Variants in RBM33 observed in about 807,000 individuals in gnomAD.
RBM33 encodes RNA-binding protein 33.
Under a neutral mutation model 132.6 loss-of-function variants are expected in RBM33, and 28 were observed. The ratio of observed to expected loss-of-function variants is 0.21; its 90% CI spans 0.16 to 0.29. RBM33 has a LOEUF of 0.29. Among genes scored for constraint, RBM33 ranks in the 10% least tolerant of loss-of-function variants. The pLI is 1.00. For missense variants in RBM33, 1,291 were observed against 1,518.5 expected (o/e 0.85, Z 2.49); for synonymous variants, 634 against 593.0 (o/e 1.07, Z -1.01).
chr7:155,668,998 A>G (rs1798873327), intron 2 of RBM33, among the ~76,000 whole-genome samples: 1 of 151,904 alleles, frequency 6.6e-6, no homozygotes, highest in South Asian at 2.1e-4. Flanking sequence ...TTTATTGTTT[A>G]CCGTATTATG....
rs201127157 is a variant in RBM33 at position 155,773,568 on chromosome 7, C to CAAAA, written c.3376-967_3376-964dup. 4.8e-3 allele frequency among the ~76,000 whole-genome samples: 242 copies of CAAAA among 50,466 alleles called. 24 individuals are homozygous for CAAAA. The highest frequency in any genetic ancestry group is 0.018 in the African/African-American group (217 of 11,978). 33.1% of individuals were successfully genotyped at this position (50,466 alleles called of 152,430 possible). The stretch of plus-strand genomic sequence containing the variant: ...AGGCAACAGTGCGAGACTCCATCTC[C>CAAAA]AAAAAAAAAAAAAAAAAAAAAAAAA... On this transcript the variant is annotated intron_variant, in intron 16 of 17. Transcript: ENST00000401878.
intron 1 of RBM33, among the ~76,000 whole-genome samples, chr7:155,648,341 G>T (rs1168128042): frequency 6.6e-6 from 1 of 152,192 alleles, no homozygotes; most frequent in Non-Finnish European, 1.5e-5. Context: ...TAAACTAGCC[G>T]AGAAAAGTTC....
intron 12 of RBM33, among the ~76,000 whole-genome samples, chr7:155,740,624 T>C (rs1417681216): frequency 6.6e-6 from 1 of 152,174 alleles, no homozygotes; most frequent in Non-Finnish European, 1.5e-5. Flanking sequence ...TTGTCGTGCA[T>C]TAAAAGAAAC....
chr7:155,660,701 G>A (rs777727011), intron 1 of RBM33, among the ~76,000 whole-genome samples: 5 of 152,090 alleles, frequency 3.3e-5, no homozygotes, highest in African/African-American at 7.2e-5. Context: ...TTTTGACTAC[G>A]TTGTGTGTGT....
intron 8 of RBM33, among the ~76,000 whole-genome samples, chr7:155,716,409 A>G (rs1296313863): frequency 6.8e-6 from 1 of 147,720 alleles, no homozygotes; most frequent in African/African-American, 2.5e-5. Context: ...CATTTATTAT[A>G]ATCAGATTGC....
intron 1 of RBM33, among the ~76,000 whole-genome samples, chr7:155,662,446 C>T (rs1016662066): frequency 6.6e-6 from 1 of 152,096 alleles, no homozygotes; most frequent in Non-Finnish European, 1.5e-5. Context: ...TTTGGGAGCA[C>T]TCTTTGGCTT....
chr7:155,711,960 C>CT (rs1554477035), intron 8 of RBM33, among the ~76,000 whole-genome samples: 3 of 152,208 alleles, frequency 2.0e-5, no homozygotes, highest in Non-Finnish European at 4.4e-5. Flanking sequence ...TTGAGTTTTC[C>CT]TTGGCTCTTC....
intron 9 of RBM33, among the ~76,000 whole-genome samples, chr7:155,720,716 C>T (rs1241272504): frequency 1.3e-5 from 2 of 152,228 alleles, no homozygotes; most frequent in South Asian, 2.1e-4. Context: ...GTGAAGACAA[C>T]ATTGTTGTGG....
intron 7 of RBM33, 38 bp from the exon 8 acceptor site, chr7:155,711,160 TTGTGA>T: frequency 2.8e-6 from 4 of 1,451,010 alleles, no homozygotes; most frequent in South Asian, 2.9e-5. Context: ...GTTTTTTTTT[TTGTGA>T]TTTGTAGACT....
At chr7:155,696,077 T>C (rs1799786651) in intron 5 of RBM33, among the ~76,000 whole-genome samples, 1 of 152,236 alleles carries the variant, frequency 6.6e-6, no homozygotes, top group Non-Finnish European at 1.5e-5. Flanking sequence ...TTTAGTCTCT[T>C]TCTGGTTCTC....
intron 2 of RBM33, 63 bp from the exon 3 acceptor site, chr7:155,672,804 G>T: frequency 8.5e-6 from 9 of 1,061,674 alleles, no homozygotes; most frequent in South Asian, 4.3e-5. Context: ...ATTTCCAAGT[G>T]ATCTACAAAC....
intron 13 of RBM33, 29 bp from the exon 14 acceptor site, chr7:155,744,932 A>C: frequency 6.6e-7 from 1 of 1,524,534 alleles, no homozygotes; most frequent in Non-Finnish European, 8.8e-7. Flanking sequence ...CTGTATAGCA[A>C]AGTAAACCGT....
chr7:155,743,443 C>T (rs186855344), intron 13 of RBM33, among the ~76,000 whole-genome samples: 6 of 152,296 alleles, frequency 3.9e-5, no homozygotes, highest in African/African-American at 1.4e-4. Context: ...TTGATTTAGG[C>T]GAACTTCTAA....
chr7:155,685,712 A>C (rs953005159), intron 5 of RBM33, among the ~76,000 whole-genome samples: 2 of 152,240 alleles, frequency 1.3e-5, no homozygotes, highest in Non-Finnish European at 2.9e-5. Context: ...AGAGTTAAAT[A>C]GTTGCTGTTC....
chr7:155,664,427 ATT>A (rs113000614), intron 1 of RBM33, among the ~76,000 whole-genome samples: 2 of 142,034 alleles, frequency 1.4e-5, no homozygotes. Context: ...TGCCTGGCTG[ATT>A]TTTTTTTTTT....
chr7:155,775,398 T>A lies in RBM33; in HGVS notation c.*357T>A. On this transcript the variant is annotated 3_prime_UTR_variant, in exon 18 of 18. Coordinates refer to ENST00000401878, the MANE Select transcript of RBM33 (RefSeq NM_053043.3). ...TTAGATTCAGGAAAGAACATTAACG[T>A]CACAAGTTCTAAGTAGTTTTCACAG... 1 of 408,434 alleles carries A rather than the reference T, an allele frequency of 2.4e-6. No homozygotes were observed. Among genetic ancestry groups the A allele is most frequent in the Non-Finnish European group, 4.6e-6 (1 of 216,918 alleles). 25.3% of individuals were successfully genotyped at this position (408,434 alleles called of 1,614,324 possible).
At chr7:155,765,057 G>A (rs1802168133) in intron 15 of RBM33, among the ~76,000 whole-genome samples, 1 of 152,210 alleles carries the variant, frequency 6.6e-6, no homozygotes, top group Admixed American at 6.5e-5. Flanking sequence ...AATATATGAT[G>A]AGAAAGGCCT....
chr7:155,685,920 A>G (rs1799464590), intron 5 of RBM33, among the ~76,000 whole-genome samples: 1 of 152,196 alleles, frequency 6.6e-6, no homozygotes, highest in African/African-American at 2.4e-5. Context: ...GAAAACATTT[A>G]CTTTACCCTT....
At chr7:155,654,819 A>G (rs1347811745) in intron 1 of RBM33, among the ~76,000 whole-genome samples, 1 of 152,206 alleles carries the variant, frequency 6.6e-6, no homozygotes, top group East Asian at 1.9e-4. Flanking sequence ...TTCATTAAAA[A>G]TTTTATATAT....
Sources: gnomAD v4.1 joint callset for allele counts (sites outside exome capture counted in the v4.1 genomes callset) on GRCh38, gnomAD v4.1.1 for gene constraint, MANE v1.5 for transcripts, NCBI Gene and HGNC (gene_info 2026-07-23, HGNC 2026-07-21) for gene names.